The following BCAS1 variants were observed in gnomAD, a reference collection of about 807,000 sequenced individuals.
The protein encoded by BCAS1 is brain enriched myelin associated protein 1, also known as breast carcinoma-amplified sequence 1.
Under a neutral mutation model 65.4 loss-of-function variants are expected in BCAS1, and 46 were observed. That is an observed-to-expected ratio of 0.70 (90% CI 0.55 to 0.90). The LOEUF (loss-of-function observed/expected upper bound fraction) is 0.90, where lower values mean the gene tolerates loss of function less well. Ranked by LOEUF, BCAS1 falls within the 40% of genes least tolerant of loss-of-function variation. The probability of loss-of-function intolerance (pLI) is 0.00; values close to 1 mark genes in which losing one functional copy is unlikely to be tolerated. For missense variants in BCAS1, 793 were observed against 771.2 expected, an observed-to-expected ratio of 1.03 and a Z score of -0.33; for synonymous variants, 298 against 293.5, an observed-to-expected ratio of 1.02 and a Z score of -0.16.
intron 4 of BCAS1, among the ~76,000 whole-genome samples, chr20:54,015,714 T>A (rs2091423064): frequency 6.6e-6 from 1 of 152,218 alleles, no homozygotes; most frequent in African/African-American, 2.4e-5. Flanking sequence ...CTGGGTGGCA[T>A]AGTTTGGAAA....
intron 8 of BCAS1, among the ~76,000 whole-genome samples, chr20:53,983,065 T>C (rs1357359351): frequency 6.6e-6 from 1 of 152,220 alleles, no homozygotes; most frequent in Non-Finnish European, 1.5e-5. Flanking sequence ...AATGAAATTC[T>C]ATCATTAGGG....
chr20:54,050,386 G>A (rs2092189701), intron 3 of BCAS1, among the ~76,000 whole-genome samples: 1 of 152,164 alleles, frequency 6.6e-6, no homozygotes, highest in African/African-American at 2.4e-5. Flanking sequence ...CCTTGTGCTG[G>A]ACTCTTAGCT....
chr20:54,053,951 T>C (rs1914891634), intron 3 of BCAS1, among the ~76,000 whole-genome samples: 1 of 152,178 alleles, frequency 6.6e-6, no homozygotes, highest in Non-Finnish European at 1.5e-5. Flanking sequence ...GACTGGGTAA[T>C]TTATAAAGGA....
At chr20:54,067,989 C>A (rs751976184) in intron 1 of BCAS1, among the ~76,000 whole-genome samples, 3 of 152,226 alleles carry the variant, frequency 2.0e-5, no homozygotes, top group Non-Finnish European at 1.5e-5. Flanking sequence ...GCTTTGCCTG[C>A]CCCACAGTCC....
At chr20:53,955,370 T>C (rs2089668694) in intron 11 of BCAS1, among the ~76,000 whole-genome samples, 1 of 152,230 alleles carries the variant, frequency 6.6e-6, no homozygotes, top group Non-Finnish European at 1.5e-5. Context: ...TGCTAAGATA[T>C]GGATGTCCAA....
chr20:54,069,307 A>G (rs2092485291), intron 1 of BCAS1, among the ~76,000 whole-genome samples: 2 of 152,166 alleles, frequency 1.3e-5, no homozygotes, highest in South Asian at 2.1e-4. Flanking sequence ...TTTAACATGA[A>G]ATTTGTGAAA....
chr20:54,006,582 T>C (rs1276207506), intron 4 of BCAS1, among the ~76,000 whole-genome samples: 1 of 152,020 alleles, frequency 6.6e-6, no homozygotes, highest in East Asian at 1.9e-4. Flanking sequence ...TGGTGGTGCA[T>C]GCCTGTAATC....
At chr20:53,959,364 C>G (rs1239704403) in intron 10 of BCAS1, among the ~76,000 whole-genome samples, 3 of 152,078 alleles carry the variant, frequency 2.0e-5, no homozygotes, top group Admixed American at 6.5e-5. Flanking sequence ...AGAAATTCTC[C>G]TGCTTCAGCC....
intron 9 of BCAS1, 142 bp from the exon 10 acceptor site, chr20:53,967,215 T>C (rs959742597): frequency 4.9e-6 from 4 of 823,812 alleles, no homozygotes; most frequent in African/African-American, 1.7e-5. Flanking sequence ...CACAGGCACA[T>C]CTTGGAGAAG....
At chr20:54,001,598 C>T (rs954567303) in intron 4 of BCAS1, among the ~76,000 whole-genome samples, 1 of 152,122 alleles carries the variant, frequency 6.6e-6, no homozygotes, top group African/African-American at 2.4e-5. Flanking sequence ...AGAACTGACT[C>T]AGTACAAGAG....
chr20:54,005,991 G>C (rs2091178584), intron 4 of BCAS1, among the ~76,000 whole-genome samples: 1 of 152,184 alleles, frequency 6.6e-6, no homozygotes, highest in Non-Finnish European at 1.5e-5. Context: ...AGGAAGTGTT[G>C]ACTGACATTT....
intron 11 of BCAS1, 21 bp downstream of exon 11, chr20:53,957,411 A>C (rs757045518): frequency 6.2e-7 from 1 of 1,605,798 alleles, no homozygotes; most frequent in South Asian, 1.1e-5. Context: ...CCACCACCAA[A>C]CTGAGTTCGA....
At chr20:54,045,062 AT>A (rs1188965778) in intron 3 of BCAS1, among the ~76,000 whole-genome samples, 1 of 151,826 alleles carries the variant, frequency 6.6e-6, no homozygotes, top group African/African-American at 2.4e-5. Context: ...AAACTAAAAA[AT>A]TAGCCAGGTG....
chr20:54,011,335 C>T (rs1256147799), intron 4 of BCAS1, among the ~76,000 whole-genome samples: 3 of 151,978 alleles, frequency 2.0e-5, no homozygotes, highest in African/African-American at 4.8e-5. Context: ...ACGTATCTGA[C>T]GAGAGACTAG....
chr20:53,966,644 C>T (rs924291170), intron 10 of BCAS1, among the ~76,000 whole-genome samples: 2 of 152,124 alleles, frequency 1.3e-5, no homozygotes, highest in Admixed American at 6.6e-5. Flanking sequence ...AAAATTCCAA[C>T]CCAAGGGCAC....
At chr20:54,046,920 G>C (rs578011348) in intron 3 of BCAS1, among the ~76,000 whole-genome samples, 13 of 152,170 alleles carry the variant, frequency 8.5e-5, no homozygotes, top group African/African-American at 2.9e-4. Context: ...TGGAGCCACA[G>C]CTGGGGTGCC....
chr20:54,046,843 C>CAA (rs74179264), intron 3 of BCAS1, among the ~76,000 whole-genome samples: 24,739 of 117,434 alleles, frequency 0.21, 2,543 homozygotes, highest in East Asian at 0.33. Flanking sequence ...GACTCTGTCT[C>CAA]AAAAAAAAAA....
At chr20:53,975,852 G>A (rs1427820404) in intron 8 of BCAS1, among the ~76,000 whole-genome samples, 1 of 152,142 alleles carries the variant, frequency 6.6e-6, no homozygotes, top group African/African-American at 2.4e-5. Flanking sequence ...CTGGTAATAA[G>A]TGCAGAGAAA....
intron 3 of BCAS1, among the ~76,000 whole-genome samples, chr20:54,034,529 C>G (rs1288340786): frequency 6.6e-6 from 1 of 151,180 alleles, no homozygotes. Flanking sequence ...CACTCCCACT[C>G]ACAATCGCCA....
Sources: allele counts gnomAD v4.1 joint callset (sites outside exome capture counted in the v4.1 genomes callset), GRCh38; gene constraint gnomAD v4.1.1; transcripts MANE v1.5; gene names NCBI Gene and HGNC (gene_info 2026-07-23, HGNC 2026-07-21).